The following GALNT13 variants were observed in gnomAD, a reference collection of about 807,000 sequenced individuals.
GALNT13 encodes polypeptide N-acetylgalactosaminyltransferase 13.
GALNT13 carries 28 observed loss-of-function variants against 64.2 expected under a neutral mutation model. That is an observed-to-expected ratio of 0.44 (90% confidence interval 0.32 to 0.60). GALNT13 has a LOEUF of 0.60. Ranked by LOEUF, GALNT13 falls within the 20% of genes least tolerant of loss-of-function variation. GALNT13 has a pLI of 0.05. For synonymous variants in GALNT13, 214 were observed against 224.6 expected, an observed-to-expected ratio of 0.95 and a Z score of 0.42; for missense variants, 577 against 669.8, an observed-to-expected ratio of 0.86 and a Z score of 1.53.
the GALNT13 span, among the ~76,000 whole-genome samples, chr2:153,751,686 T>C: frequency 6.6e-6 from 1 of 152,060 alleles, no homozygotes; most frequent in East Asian, 1.9e-4. Context: ...GAATATCTTT[T>C]TCCATCCCTT....
At chr2:153,075,549 T>A in the GALNT13 span, among the ~76,000 whole-genome samples, 1 of 152,214 alleles carries the variant, frequency 6.6e-6, no homozygotes, top group Non-Finnish European at 1.5e-5. Flanking sequence ...CTCCCTAGGA[T>A]TGAGCAACTA....
chr2:154,206,817 AG>A (rs961681468), intron 4 of GALNT13, among the ~76,000 whole-genome samples: 6 of 151,608 alleles, frequency 4.0e-5, no homozygotes, highest in Non-Finnish European at 7.4e-5. Flanking sequence ...AAAAACAGGA[AG>A]GGGATTTGAG....
At chr2:153,858,234 A>C in the GALNT13 span, among the ~76,000 whole-genome samples, 2 of 152,176 alleles carry the variant, frequency 1.3e-5, no homozygotes, top group African/African-American at 4.8e-5. Context: ...CAAAGGCCCT[A>C]AGGCCCAAGT....
the GALNT13 span, among the ~76,000 whole-genome samples, chr2:153,684,659 CTTTTAT>C: frequency 1.3e-5 from 2 of 151,258 alleles, no homozygotes; most frequent in Non-Finnish European, 3.0e-5. Flanking sequence ...TTTTTTTTAA[CTTTTAT>C]TTTAAGTTCA....
chr2:153,752,526 G>T, the GALNT13 span, among the ~76,000 whole-genome samples: 1 of 152,004 alleles, frequency 6.6e-6, no homozygotes, highest in African/African-American at 2.4e-5. Context: ...TAGGGTAAAA[G>T]CTTCTTTTGT....
rs569127579 is a variant in GALNT13 at position 154,184,903 on chromosome 2, G to C, written c.311+44398G>C. 9.2e-5 allele frequency among the ~76,000 whole-genome samples: 14 copies of C among 152,100 alleles called. No individual in the cohort carries two copies. The East Asian group carries it at 2.7e-3, about 29-fold the overall frequency. On this transcript the variant is annotated intron_variant, in intron 4 of 12. Transcript: ENST00000392825. ...AAAAGTGATTTATATACCACCATTA[G>C]AGTATTAGAATTTTCTTAATTTGAT...
At chr2:154,143,289 CA>C (rs1175766242) in intron 4 of GALNT13, among the ~76,000 whole-genome samples, 1 of 152,126 alleles carries the variant, frequency 6.6e-6, no homozygotes, top group Non-Finnish European at 1.5e-5. Flanking sequence ...TGCTCTCAGG[CA>C]GCTCACCTCC....
rs928365052 is a variant in GALNT13 at position 154,270,179 on chromosome 2, A to G, written c.975+11041A>G. On this transcript the variant is annotated intron_variant, in intron 8 of 12. Transcript: ENST00000392825. ...TCTTAAAATTATAATAGCTTAAGGC[A>G]TCGTAATTTCAATAACTACATTCCT... Among the ~76,000 whole-genome samples the G allele has an allele frequency of 4.6e-5, 7 of 151,786 alleles. No homozygotes were observed. The East Asian group carries it at 1.4e-3, about 29-fold the overall frequency.
chr2:153,995,667 C>A (rs7565936), intron 3 of GALNT13, among the ~76,000 whole-genome samples: 5,052 of 152,120 alleles, frequency 0.033, 123 homozygotes, highest in South Asian at 0.09. Flanking sequence ...ATCATTTCTC[C>A]GTGGTGGTAA....
At chr2:154,362,217 A>C (rs1280316204) in intron 9 of GALNT13, among the ~76,000 whole-genome samples, 1 of 152,034 alleles carries the variant, frequency 6.6e-6, no homozygotes, top group East Asian at 1.9e-4. Flanking sequence ...TTCAGAGTGT[A>C]AAAAATGATC....
At chr2:154,446,240 C>A (rs2105495200) in intron 12 of GALNT13, among the ~76,000 whole-genome samples, 1 of 152,206 alleles carries the variant, frequency 6.6e-6, no homozygotes, top group South Asian at 2.1e-4. Flanking sequence ...GCAAATAACT[C>A]ATCTGGTACT....
chr2:153,631,126 C>G, the GALNT13 span, among the ~76,000 whole-genome samples: 1 of 151,904 alleles, frequency 6.6e-6, no homozygotes, highest in Non-Finnish European at 1.5e-5. Flanking sequence ...CATGTCCCTA[C>G]AAAGGACATG....
chr2:153,601,706 A>G, the GALNT13 span, among the ~76,000 whole-genome samples: 1 of 151,858 alleles, frequency 6.6e-6, no homozygotes, highest in African/African-American at 2.4e-5. Flanking sequence ...ACACAGCAAC[A>G]AATGTTATGT....
the GALNT13 span, among the ~76,000 whole-genome samples, chr2:153,333,279 A>G: frequency 3.3e-5 from 5 of 152,328 alleles, no homozygotes; most frequent in South Asian, 8.3e-4. Flanking sequence ...TGTTTGGGGA[A>G]AATAAAGTGC....
the GALNT13 span, among the ~76,000 whole-genome samples, chr2:153,385,593 G>C: frequency 1.2e-4 from 18 of 151,950 alleles, no homozygotes; most frequent in Admixed American, 1.2e-3. Context: ...TACGAAATAA[G>C]CTAGAAATAA....
At chr2:153,953,574 A>T (rs1357947810) in intron 3 of GALNT13, among the ~76,000 whole-genome samples, 1 of 152,120 alleles carries the variant, frequency 6.6e-6, no homozygotes, top group Non-Finnish European at 1.5e-5. Context: ...ATCAGTAAAT[A>T]CCGGTTTGCA....
chr2:153,619,994 A>G, the GALNT13 span, among the ~76,000 whole-genome samples: 33 of 152,224 alleles, frequency 2.2e-4, no homozygotes, highest in East Asian at 4.6e-3. Context: ...GTCTTTCTCT[A>G]GATTCAGGAA....
chr2:153,696,106 A>C, the GALNT13 span, among the ~76,000 whole-genome samples: 4 of 152,310 alleles, frequency 2.6e-5, no homozygotes, highest in Middle Eastern at 0.014. Flanking sequence ...GGAGCAAGGA[A>C]GTCAGTCCGA....
At chr2:153,305,145 C>A in the GALNT13 span, among the ~76,000 whole-genome samples, 10 of 152,258 alleles carry the variant, frequency 6.6e-5, no homozygotes, top group East Asian at 1.9e-3. Context: ...TCTCAAGGAA[C>A]CCAACTTGCA....
Sources: gnomAD v4.1 joint callset for allele counts (sites outside exome capture counted in the v4.1 genomes callset) on GRCh38, gnomAD v4.1.1 for gene constraint, MANE v1.5 for transcripts, NCBI Gene and HGNC (gene_info 2026-07-23, HGNC 2026-07-21) for gene names.